Variants in ZCWPW2 observed in about 807,000 individuals in gnomAD.
ZCWPW2 encodes zinc finger CW-type and PWWP domain containing 2, also known as zinc finger CW-type PWWP domain protein 2.
A neutral mutation model predicts 46.6 loss-of-function variants in ZCWPW2; 45 were observed. That is an observed-to-expected ratio of 0.96 (90% confidence interval 0.76 to 1.24). The LOEUF is 1.24. Among genes scored for constraint, ZCWPW2 ranks in the 50% most tolerant of loss-of-function variants. ZCWPW2 has a pLI of 0.00. For synonymous variants in ZCWPW2, 152 were observed against 137.1 expected, an observed-to-expected ratio of 1.11 and a Z score of -0.76; for missense variants, 429 against 403.9, an observed-to-expected ratio of 1.06 and a Z score of -0.53.
intron 4 of ZCWPW2, among the ~76,000 whole-genome samples, chr3:28,444,381 C>G (rs1042604173): frequency 6.6e-6 from 1 of 152,092 alleles, no homozygotes. Context: ...TCAGGGGAGG[C>G]CATCACTGTT....
intron 6 of ZCWPW2, among the ~76,000 whole-genome samples, chr3:28,494,974 A>G (rs906601494): frequency 6.6e-6 from 1 of 152,032 alleles, no homozygotes; most frequent in Non-Finnish European, 1.5e-5. Context: ...GGGTAGGAAG[A>G]TTCAATATTG....
At chr3:28,429,089 G>A (rs1697138913) in intron 3 of ZCWPW2, among the ~76,000 whole-genome samples, 2 of 152,186 alleles carry the variant, frequency 1.3e-5, no homozygotes, top group African/African-American at 4.8e-5. Flanking sequence ...GATTGGAATA[G>A]TTTGGAGGGC....
chr3:28,514,399 C>T (rs533326043), intron 7 of ZCWPW2, among the ~76,000 whole-genome samples: 2 of 151,956 alleles, frequency 1.3e-5, no homozygotes, highest in African/African-American at 2.4e-5. Flanking sequence ...ACATATATAA[C>T]CTTTAGATAA....
intron 2 of ZCWPW2, among the ~76,000 whole-genome samples, chr3:28,400,678 T>C (rs1226173260): frequency 6.6e-6 from 1 of 152,172 alleles, no homozygotes; most frequent in East Asian, 1.9e-4. Context: ...GAATTTTGCT[T>C]CCAGCAAAAC....
intron 8 of ZCWPW2, among the ~76,000 whole-genome samples, chr3:28,520,312 T>A (rs1312624465): frequency 6.6e-6 from 1 of 152,144 alleles, no homozygotes; most frequent in East Asian, 1.9e-4. Context: ...CAAAAAGACT[T>A]TTATAAATGC....
intron 1 of ZCWPW2, among the ~76,000 whole-genome samples, chr3:28,369,673 C>G (rs1705243178): frequency 6.6e-6 from 1 of 152,214 alleles, no homozygotes; most frequent in Non-Finnish European, 1.5e-5. Context: ...AACCACTACT[C>G]TCTTCAAAGC....
intron 1 of ZCWPW2, among the ~76,000 whole-genome samples, chr3:28,360,898 A>C (rs1036566257): frequency 3.3e-5 from 5 of 152,168 alleles, no homozygotes; most frequent in Non-Finnish European, 5.9e-5. Context: ...GCATAAAGAT[A>C]GACATATAAA....
At chr3:28,413,434 G>T in intron 3 of ZCWPW2, 34 bp downstream of exon 3, 1 of 1,530,204 alleles carries the variant, frequency 6.5e-7, no homozygotes, top group Middle Eastern at 1.8e-4. Context: ...CTTTTGAAAT[G>T]TAGTCTTGCT....
chr3:28,493,023 G>T (rs1398854177), intron 6 of ZCWPW2, among the ~76,000 whole-genome samples: 1 of 145,852 alleles, frequency 6.9e-6, no homozygotes, highest in Non-Finnish European at 1.5e-5. Flanking sequence ...TACATTTTAT[G>T]AGTCCTTCTA....
intron 8 of ZCWPW2, among the ~76,000 whole-genome samples, chr3:28,519,000 T>C (rs1250430168): frequency 1.3e-5 from 2 of 152,222 alleles, no homozygotes; most frequent in Non-Finnish European, 2.9e-5. Flanking sequence ...ATGACATTGT[T>C]ATATTTTTAA....
chr3:28,485,843 GC>G (rs1419090266), intron 5 of ZCWPW2, among the ~76,000 whole-genome samples: 1 of 151,652 alleles, frequency 6.6e-6, no homozygotes, highest in Non-Finnish European at 1.5e-5. Context: ...TCTATTTATT[GC>G]CCTTTTTCTT....
chr3:28,443,428 G>A (rs1179602713), intron 4 of ZCWPW2, among the ~76,000 whole-genome samples: 1 of 152,056 alleles, frequency 6.6e-6, no homozygotes, highest in African/African-American at 2.4e-5. Context: ...TGATTGAGGG[G>A]GTGTGGTTCT....
At chr3:28,420,591 T>C (rs2125746970) in intron 3 of ZCWPW2, among the ~76,000 whole-genome samples, 1 of 152,118 alleles carries the variant, frequency 6.6e-6, no homozygotes, top group Non-Finnish European at 1.5e-5. Flanking sequence ...GTTGTTTTTT[T>C]TTTCATTACT....
At chr3:28,356,430 G>A (rs1258741953) in intron 1 of ZCWPW2, among the ~76,000 whole-genome samples, 1 of 152,220 alleles carries the variant, frequency 6.6e-6, no homozygotes, top group East Asian at 1.9e-4. Context: ...TTCAACTGCT[G>A]TGGAAGACAG....
chr3:28,381,665 T>G (rs1424722730), intron 1 of ZCWPW2, among the ~76,000 whole-genome samples: 1 of 152,152 alleles, frequency 6.6e-6, no homozygotes, highest in Non-Finnish European at 1.5e-5. Flanking sequence ...CACACGGCTG[T>G]ACTCCTAGCT....
intron 4 of ZCWPW2, among the ~76,000 whole-genome samples, chr3:28,476,021 T>C (rs1699227529): frequency 6.6e-6 from 1 of 152,056 alleles, no homozygotes; most frequent in Non-Finnish European, 1.5e-5. Flanking sequence ...ATATGTTGAA[T>C]CAATAAATTC....
intron 1 of ZCWPW2, among the ~76,000 whole-genome samples, chr3:28,386,530 A>G (rs1235411873): frequency 6.6e-6 from 1 of 152,170 alleles, no homozygotes; most frequent in East Asian, 1.9e-4. Flanking sequence ...GTAAAGTTCA[A>G]GGTGCATCCT....
At chr3:28,351,375 G>A (rs1161077834) in intron 1 of ZCWPW2, among the ~76,000 whole-genome samples, 1 of 151,164 alleles carries the variant, frequency 6.6e-6, no homozygotes, top group Non-Finnish European at 1.5e-5. Flanking sequence ...CATGATACTG[G>A]CCGAGACTGG....
chr3:28,352,641 A>G (rs947536366), intron 1 of ZCWPW2, among the ~76,000 whole-genome samples: 1 of 152,044 alleles, frequency 6.6e-6, no homozygotes, highest in Non-Finnish European at 1.5e-5. Flanking sequence ...TAATTTTTGA[A>G]GCATACCCAT....
Sources: allele counts gnomAD v4.1 joint callset (sites outside exome capture counted in the v4.1 genomes callset), GRCh38; gene constraint gnomAD v4.1.1; transcripts MANE v1.5; gene names NCBI Gene and HGNC (gene_info 2026-07-23, HGNC 2026-07-21).